Variants in JMJD1C observed in about 807,000 individuals in gnomAD.
JMJD1C encodes jumonji domain containing 1C, also known as jumonji domain-containing protein 1C.
JMJD1C carries 31 observed loss-of-function variants against 245.3 expected under a neutral mutation model. That is an observed-to-expected ratio of 0.13 (90% CI 0.09 to 0.17). JMJD1C has a LOEUF of 0.17. Among genes scored for constraint, JMJD1C ranks in the 10% least tolerant of loss-of-function variants. The pLI, the probability that JMJD1C is intolerant of heterozygous loss-of-function variation, is 1.00. For missense variants in JMJD1C, 2,691 were observed against 3,000.2 expected (o/e 0.90, Z 2.41); for synonymous variants, 1,057 against 1,017.4 (o/e 1.04, Z -0.74).
intron 3 of JMJD1C, among the ~76,000 whole-genome samples, chr10:63,253,822 T>C (rs1438260308): frequency 6.6e-6 from 1 of 152,170 alleles, no homozygotes; most frequent in Non-Finnish European, 1.5e-5. Context: ...TAACAATACC[T>C]CCGCATCCCT....
Position 63,167,704 on chromosome 10 carries a change from T to G in JMJD1C, c.*341A>C, listed in dbSNP as rs559984788. 85 of 171,992 alleles carry G rather than the reference T, an allele frequency of 4.9e-4. No individual in the cohort carries two copies. The highest frequency in any genetic ancestry group is 1.9e-3 in the African/African-American group (80 of 42,382). The allele number at this position is 171,992 out of a possible 1,614,324, so 10.7% of individuals were successfully genotyped here. On this transcript the variant is annotated 3_prime_UTR_variant, in exon 26 of 26. Transcript: ENST00000399262. Reference sequence around the variant, plus strand: ...AGTAATTTTAGTAAACTGTACAAGGTCACATTTACACTTGATCAACAATAT... The same window carrying G: ...AGTAATTTTAGTAAACTGTACAAGGGCACATTTACACTTGATCAACAATAT...
intron 1 of JMJD1C, among the ~76,000 whole-genome samples, chr10:63,386,735 G>C (rs1309667676): frequency 2.0e-5 from 3 of 152,096 alleles, no homozygotes; most frequent in African/African-American, 7.2e-5. Context: ...GGTTCCAGGG[G>C]GTTGTCTTGC....
intron 1 of JMJD1C, among the ~76,000 whole-genome samples, chr10:63,400,228 A>G (rs907594923): frequency 1.3e-5 from 2 of 152,138 alleles, no homozygotes; most frequent in South Asian, 4.1e-4. Flanking sequence ...CCTTGTGCAT[A>G]TGTCATTTTG....
chr10:63,436,236 T>A (rs889492531), intron 1 of JMJD1C, among the ~76,000 whole-genome samples: 8 of 152,234 alleles, frequency 5.3e-5, no homozygotes, highest in Non-Finnish European at 1.2e-4. Context: ...TGCAAATTTC[T>A]GTAAGCTAAC....
At chr10:63,308,985 A>G (rs1938722598) in intron 2 of JMJD1C, among the ~76,000 whole-genome samples, 1 of 152,124 alleles carries the variant, frequency 6.6e-6, no homozygotes, top group Admixed American at 6.6e-5. Context: ...AGAAAACAGA[A>G]TGGCAGAATG....
At chr10:63,172,347 T>A (rs765389709) in intron 24 of JMJD1C, among the ~76,000 whole-genome samples, 3 of 152,206 alleles carry the variant, frequency 2.0e-5, no homozygotes, top group Non-Finnish European at 2.9e-5. Context: ...TAGGAAGAAG[T>A]AAACATTTAC....
At chr10:63,463,951 AAG>A (rs1443147735) in intron 1 of JMJD1C, among the ~76,000 whole-genome samples, 1 of 152,104 alleles carries the variant, frequency 6.6e-6, no homozygotes, top group Non-Finnish European at 1.5e-5. Context: ...ATTCCCAACT[AAG>A]AGAGCAATTA....
chr10:63,202,231 G>A, intron 10 of JMJD1C: 1 of 890,398 alleles, frequency 1.1e-6, no homozygotes, highest in Non-Finnish European at 1.3e-6. Context: ...TCCAGCCTGG[G>A]TGACGGAGTA....
chr10:63,332,959 T>C (rs117251861), intron 2 of JMJD1C, among the ~76,000 whole-genome samples: 5,424 of 152,250 alleles, frequency 0.036, 152 homozygotes, highest in Non-Finnish European at 0.049. Context: ...ATACATACCA[T>C]GAATAACAAC....
intron 6 of JMJD1C, 40 bp from the exon 7 acceptor site, chr10:63,215,495 T>G: frequency 6.2e-7 from 1 of 1,612,212 alleles, no homozygotes; most frequent in African/African-American, 1.3e-5. Context: ...TACTACCTGG[T>G]TTCTACTAGC....
At chr10:63,424,064 T>C (rs1950286567) in intron 1 of JMJD1C, among the ~76,000 whole-genome samples, 1 of 152,208 alleles carries the variant, frequency 6.6e-6, no homozygotes, top group Admixed American at 6.5e-5. Flanking sequence ...TGATTGTGTG[T>C]ATTTTTTTAA....
At chr10:63,443,249 G>C (rs1418953235) in intron 1 of JMJD1C, among the ~76,000 whole-genome samples, 1 of 152,184 alleles carries the variant, frequency 6.6e-6, no homozygotes, top group Non-Finnish European at 1.5e-5. Flanking sequence ...CCCTCTCTCA[G>C]GGTGTCACCC....
At chr10:63,194,601 A>G (rs1845230750) in intron 13 of JMJD1C, 1 of 422,594 alleles carries the variant, frequency 2.4e-6, no homozygotes, top group African/African-American at 2.0e-5. Context: ...CTGATTTTAT[A>G]AAAACACTGA....
At chr10:63,317,271 C>T (rs1045994137) in intron 2 of JMJD1C, among the ~76,000 whole-genome samples, 6 of 151,880 alleles carry the variant, frequency 4.0e-5, no homozygotes, top group African/African-American at 1.5e-4. Context: ...TTTGGGAGGC[C>T]GAGGTGGGCA....
rs149691881 is a variant in JMJD1C at position 63,403,654 on chromosome 10, A to G, written c.169-23172T>C. Among the ~76,000 whole-genome samples the G allele has an allele frequency of 2.2e-3, 330 of 152,308 alleles. 2 individuals carry two copies. Among genetic ancestry groups the G allele is most frequent in the African/African-American group, 7.5e-3 (313 of 41,574 alleles). ...TTTTTCCAACTTAAAAGAATGATGT[A>G]CAGGCCAGGCGCAGTGGCTCACACC... On this transcript the variant is annotated intron_variant, in intron 1 of 25. Coordinates refer to ENST00000399262, the MANE Select transcript of JMJD1C (RefSeq NM_032776.3).
chr10:63,225,024 T>A (rs1849082916), intron 3 of JMJD1C, among the ~76,000 whole-genome samples: 1 of 151,166 alleles, frequency 6.6e-6, no homozygotes, highest in Non-Finnish European at 1.5e-5. Context: ...ATTGCACCAC[T>A]GCACTCCAGC....
At chr10:63,329,745 C>T (rs1312178655) in intron 2 of JMJD1C, among the ~76,000 whole-genome samples, 1 of 152,214 alleles carries the variant, frequency 6.6e-6, no homozygotes, top group Non-Finnish European at 1.5e-5. Context: ...TAGTGATACA[C>T]CGTTGATACT....
intron 1 of JMJD1C, among the ~76,000 whole-genome samples, chr10:63,408,656 T>G (rs144062044): frequency 6.6e-6 from 1 of 151,762 alleles, no homozygotes; most frequent in Non-Finnish European, 1.5e-5. Context: ...AGTTTGAGAG[T>G]AGAATTAAGA....
intron 10 of JMJD1C, chr10:63,205,122 CTTATT>C (rs1192321113): frequency 1.5e-6 from 1 of 686,104 alleles, no homozygotes. Flanking sequence ...TTAAGTATCT[CTTATT>C]TTGTCCAGCT....
Sources: allele counts gnomAD v4.1 joint callset (sites outside exome capture counted in the v4.1 genomes callset), GRCh38; gene constraint gnomAD v4.1.1; transcripts MANE v1.5; gene names NCBI Gene and HGNC (gene_info 2026-07-23, HGNC 2026-07-21).